DST: variants seen among roughly 807,000 people sequenced by gnomAD.
DST encodes the protein bullous pemphigoid antigen.
A neutral mutation model predicts 875.2 loss-of-function variants in DST; 253 were observed. That is an observed-to-expected ratio of 0.29 (90% CI 0.26 to 0.32). The LOEUF is 0.32. DST is among the 10% of genes least tolerant of loss of function. DST has a pLI of 1.00. For missense variants in DST, 8,287 were observed against 9,111.6 expected (o/e 0.91, Z 3.68); for synonymous variants, 3,124 against 3,197.1 (o/e 0.98, Z 0.77).
intron 2 of DST, among the ~76,000 whole-genome samples, chr6:56,918,527 G>A (rs1802478467): frequency 6.6e-6 from 1 of 152,140 alleles, no homozygotes; most frequent in Non-Finnish European, 1.5e-5. Flanking sequence ...AGTATAAACA[G>A]TGGAATAAAC....
At chr6:56,939,574 T>C (rs1369943893) in intron 2 of DST, among the ~76,000 whole-genome samples, 1 of 152,194 alleles carries the variant, frequency 6.6e-6, no homozygotes, top group Non-Finnish European at 1.5e-5. Flanking sequence ...TACATAAAGA[T>C]TAGAAAGTTC....
chr6:56,680,530 A>C (rs2099151980), intron 9 of DST, among the ~76,000 whole-genome samples: 1 of 152,136 alleles, frequency 6.6e-6, no homozygotes, highest in Admixed American at 6.5e-5. Flanking sequence ...TTGTTTTCCC[A>C]TCCTTCCATT....
chr6:56,555,539 T>C lies in DST; in HGVS notation c.14942A>G (p.Asp4981Gly), dbSNP rs1282145147. The change falls in exon 60 of 104, where the codon GAT becomes GGT. Residue 4981 changes from aspartate (D) to glycine (G), a missense_variant. By Grantham distance (94) the Asp-to-Gly change is moderately conservative. Around this residue, in one of 10 missense-constraint regions of DST, gnomAD observed 1,513 missense variants for 1,677.8 expected, o/e 0.90. Transcript: ENST00000680361. ...SSSLAVSTHP[D>G]AMNQQLETAQ... is the part of the protein sequence containing the mutation. ...TGTTTCCAACTGTTGGTTCATAGCA[T>C]CAGGGTGCGTGCTCACAGCCAGACT... 6.2e-7 allele frequency: 1 copy of C among 1,614,038 alleles called. No homozygotes were observed. Among genetic ancestry groups the C allele is most frequent in the Non-Finnish European group, 8.5e-7 (1 of 1,179,904 alleles).
intron 90 of DST, among the ~76,000 whole-genome samples, chr6:56,479,103 G>A (rs1248263935): frequency 1.3e-5 from 2 of 151,962 alleles, no homozygotes; most frequent in African/African-American, 4.8e-5. Flanking sequence ...TTGAAAACTG[G>A]GAAAAACACA....
At chr6:56,719,889 A>G (rs1050074608) in intron 5 of DST, among the ~76,000 whole-genome samples, 6 of 152,338 alleles carry the variant, frequency 3.9e-5, no homozygotes, top group Non-Finnish European at 7.4e-5. Flanking sequence ...GTACTTCACA[A>G]GGTAATAGAA....
chr6:56,590,725 A>G (rs1372255082), intron 49 of DST, among the ~76,000 whole-genome samples: 1 of 152,146 alleles, frequency 6.6e-6, no homozygotes, highest in African/African-American at 2.4e-5. Context: ...CCTAGTGTCC[A>G]GTGAAGGGCT....
At chr6:56,790,596 G>C (rs1445203924) in intron 4 of DST, among the ~76,000 whole-genome samples, 1 of 152,114 alleles carries the variant, frequency 6.6e-6, no homozygotes, top group Non-Finnish European at 1.5e-5. Flanking sequence ...TCTTAGAATA[G>C]GTCATTAATC....
chr6:56,764,339 T>C (rs1354946570), intron 4 of DST, among the ~76,000 whole-genome samples: 3 of 152,234 alleles, frequency 2.0e-5, no homozygotes, highest in African/African-American at 7.2e-5. Flanking sequence ...TATACTATTC[T>C]GCTTGGCTTG....
rs1054375064 is a variant in DST, at chr6:56,850,368, G to C, written c.625+1029C>G. Among the ~76,000 whole-genome samples, 4 of 143,750 alleles carry C rather than the reference G, an allele frequency of 2.8e-5. No individual in the cohort carries two copies. In the Admixed American group the frequency reaches 2.8e-4, roughly 10 times the overall value. The allele number at this position is 143,750 out of a possible 152,430, so 94.3% of individuals were successfully genotyped here. ...GGGCTGGTCCCCTCCAGCCCCCTTG[G>C]AGGAAGAGAAAGTACCAACTTTGCA... On this transcript the variant is annotated intron_variant, in intron 4 of 103. Coordinates refer to ENST00000680361, the MANE Select transcript of DST (RefSeq NM_001374736.1).
intron 2 of DST, among the ~76,000 whole-genome samples, chr6:56,903,549 T>C (rs544012830): frequency 6.6e-6 from 1 of 152,330 alleles, no homozygotes; most frequent in African/African-American, 2.4e-5. Context: ...AACCTCTGCC[T>C]GCTGGGTTCA....
chr6:56,553,627 G>A lies in DST; in HGVS notation c.15165C>T (p.Ala5055=). 1 of 1,613,314 alleles carries A rather than the reference G, an allele frequency of 6.2e-7. No homozygotes were observed. The highest frequency in any genetic ancestry group is 1.1e-5 in the South Asian group (1 of 91,036). The part of the protein sequence containing the change: ...AENHVQHLQS[A]CASSHQFQQM... ...GCTGAAATTGATGAGAGCTTGCACA[G>A]GCCGACTGAAGGTGCTGGACATGAT... Residue 5055 remains alanine (A), a synonymous_variant, in exon 61 of 104, where the codon GCC becomes GCT. Transcript: ENST00000680361.
At chr6:56,681,031 T>C (rs942867725) in intron 9 of DST, among the ~76,000 whole-genome samples, 1 of 152,160 alleles carries the variant, frequency 6.6e-6, no homozygotes, top group Non-Finnish European at 1.5e-5. Context: ...AAATTACTAA[T>C]AGGTAGAAGT....
At chr6:56,513,173 G>C (rs2096516175) in intron 72 of DST, among the ~76,000 whole-genome samples, 1 of 151,474 alleles carries the variant, frequency 6.6e-6, no homozygotes, top group African/African-American at 2.4e-5. Flanking sequence ...GGTCTAGGTA[G>C]ATCTCACCTG....
intron 48 of DST, among the ~76,000 whole-genome samples, chr6:56,593,374 G>A (rs1019884978): frequency 4.0e-5 from 6 of 151,734 alleles, no homozygotes; most frequent in Non-Finnish European, 7.4e-5. Flanking sequence ...AAAATTAGAC[G>A]GGCGTGGGGG....
At chr6:56,763,340 A>G (rs1242287103) in intron 4 of DST, among the ~76,000 whole-genome samples, 5 of 152,136 alleles carry the variant, frequency 3.3e-5, no homozygotes, top group Non-Finnish European at 7.4e-5. Flanking sequence ...ATCAAGTCCA[A>G]CATGTCCTAG....
In DST at chr6:56,931,649, G is replaced by C. The variant is rs200457365; in HGVS notation, c.216+22136C>G. 3.9e-5 allele frequency among the ~76,000 whole-genome samples: 6 copies of C among 152,206 alleles called. No individual in the cohort carries two copies. The East Asian group carries it at 9.6e-4, about 24-fold the overall frequency. ...AGGGGTGGAGCTGCCCAAGAACATG[G>C]GAACCCACCTCTTGCATCAGTGTGA... On this transcript the variant is annotated intron_variant, in intron 2 of 103. Transcript: ENST00000680361.
chr6:56,639,192 T>C (rs1234961379), intron 22 of DST, 67 bp downstream of exon 22: 2 of 1,343,832 alleles, frequency 1.5e-6, no homozygotes, highest in African/African-American at 2.9e-5. Context: ...TTCTCAGCAA[T>C]AAAAGAATCT....
At position 56,849,365 on chromosome 6, in the gene DST, G is replaced by A. The variant is rs554094490; in HGVS notation, c.625+2032C>T. On this transcript the variant is annotated intron_variant, in intron 4 of 103. Coordinates refer to ENST00000680361, the MANE Select transcript of DST (RefSeq NM_001374736.1). ...TTGACCAGGATGGTCTCGATCTCTTGACCTCATGATCCGCCCACGGGGGCC... is the reference window on the plus strand; with the variant it reads ...TTGACCAGGATGGTCTCGATCTCTTAACCTCATGATCCGCCCACGGGGGCC... Among the ~76,000 whole-genome samples the A allele has an allele frequency of 5.6e-3, 851 of 152,138 alleles. 3 individuals are homozygous for A. The highest frequency in any genetic ancestry group is 9.6e-3 in the Non-Finnish European group (651 of 67,994).
Position 56,497,860 on chromosome 6 carries a change from C to T in DST, c.20090G>A (p.Arg6697His), listed in dbSNP as rs1224386090. Residue 6697 changes from arginine (R) to histidine (H), a missense_variant, in exon 81 of 104, where the codon CGC becomes CAC. By Grantham distance (29) the Arg-to-His change is conservative. Around this residue, in one of 10 missense-constraint regions of DST, gnomAD observed 1,292 missense variants for 1,552.7 expected, o/e 0.83. Coordinates refer to ENST00000680361, the MANE Select transcript of DST (RefSeq NM_001374736.1). ...QRKQQLDGAL[R>H]QAKGFHGEIE... ...AGAATTTATTCTCTTACTCACCTGG[C>T]GCAAGGCACCATCCAGCTGCTGCTT... is the stretch of plus-strand genomic sequence containing the variant. 15 of 1,605,414 alleles carry T rather than the reference C, an allele frequency of 9.3e-6. No individual in the cohort carries two copies. The highest frequency in any genetic ancestry group is 4.5e-5 in the East Asian group (2 of 44,740).
Sources: allele counts gnomAD v4.1 joint callset (sites outside exome capture counted in the v4.1 genomes callset), GRCh38; gene constraint gnomAD v4.1.1; regional missense constraint gnomAD v4.1.1; transcripts MANE v1.5; gene names NCBI Gene and HGNC (gene_info 2026-07-23, HGNC 2026-07-21).